The following BBS9 variants were observed in gnomAD, a reference collection of about 807,000 sequenced individuals.
BBS9 encodes protein PTHB1.
A neutral mutation model predicts 117.7 loss-of-function variants in BBS9; 89 were observed. That is an observed-to-expected ratio of 0.76 (90% CI 0.64 to 0.90). The LOEUF (loss-of-function observed/expected upper bound fraction) is 0.90, where lower values mean the gene tolerates loss of function less well. BBS9 is among the 40% of genes least tolerant of loss of function. BBS9 has a pLI of 0.00. For missense variants in BBS9, 982 were observed against 1,042.2 expected (o/e 0.94, Z 0.80); for synonymous variants, 379 against 370.9 (o/e 1.02, Z -0.25).
rs1795418836 is a variant in BBS9, at chr7:33,164,886, T to G, written c.328+9184T>G. Among the ~76,000 whole-genome samples, 6 of 152,284 alleles carry G rather than the reference T, an allele frequency of 3.9e-5. No individual in the cohort carries two copies. The South Asian group carries it at 1.2e-3, about 32-fold the overall frequency. On this transcript the variant is annotated intron_variant, in intron 4 of 22. Transcript: ENST00000242067. ...TCCTGTCATTATGATGTTAGCTGGT[T>G]ATTTTGCCCGTTGGTTGATGCAGTT...
intron 19 of BBS9, among the ~76,000 whole-genome samples, chr7:33,449,316 A>G (rs1837436506): frequency 6.6e-6 from 1 of 152,210 alleles, no homozygotes; most frequent in Non-Finnish European, 1.5e-5. Flanking sequence ...TACCAGCCAT[A>G]GACAATACAT....
intron 21 of BBS9, among the ~76,000 whole-genome samples, chr7:33,558,185 G>T (rs1551098): frequency 0.47 from 71,717 of 152,054 alleles, 17,515 homozygotes; most frequent in South Asian, 0.58. Flanking sequence ...GAACAAAATA[G>T]ACAAAGTCTC....
intron 19 of BBS9, among the ~76,000 whole-genome samples, chr7:33,465,928 A>G (rs1461144935): frequency 6.6e-6 from 1 of 152,182 alleles, no homozygotes; most frequent in Non-Finnish European, 1.5e-5. Flanking sequence ...AACTATAAAA[A>G]TGAATCAAGT....
At chr7:33,438,943 A>G (rs1473770693) in intron 19 of BBS9, among the ~76,000 whole-genome samples, 1 of 152,172 alleles carries the variant, frequency 6.6e-6, no homozygotes, top group Non-Finnish European at 1.5e-5. Context: ...TTAGTTTATC[A>G]TAATTGGTAG....
intron 20 of BBS9, among the ~76,000 whole-genome samples, chr7:33,516,610 A>G (rs1473129983): frequency 1.3e-5 from 2 of 151,908 alleles, no homozygotes; most frequent in African/African-American, 4.8e-5. Context: ...AATTGGGGAC[A>G]GGAAGTTATA....
chr7:33,611,973 T>C (rs988869096), intron 21 of BBS9, among the ~76,000 whole-genome samples: 1 of 151,140 alleles, frequency 6.6e-6, no homozygotes, highest in African/African-American at 2.4e-5. Flanking sequence ...TGTCCTTCAT[T>C]TGAGTCCCTC....
intron 19 of BBS9, among the ~76,000 whole-genome samples, chr7:33,417,360 T>C (rs1004020251): frequency 1.3e-5 from 2 of 152,234 alleles, no homozygotes; most frequent in Non-Finnish European, 2.9e-5. Flanking sequence ...ACTTTTGGAA[T>C]GTTATAATTC....
intron 5 of BBS9, among the ~76,000 whole-genome samples, chr7:33,180,926 G>A (rs756124673): frequency 1.3e-5 from 2 of 152,124 alleles, no homozygotes; most frequent in African/African-American, 2.4e-5. Context: ...TGCACAGAGC[G>A]AGGTAAGAAA....
chr7:33,397,659 C>G (rs912466906), intron 19 of BBS9, among the ~76,000 whole-genome samples: 2 of 152,196 alleles, frequency 1.3e-5, no homozygotes, highest in Admixed American at 6.5e-5. Context: ...GAGATCATGC[C>G]CTTTGCAGGA....
intron 4 of BBS9, among the ~76,000 whole-genome samples, chr7:33,171,179 C>T (rs58830707): frequency 0.017 from 2,568 of 152,248 alleles, 58 homozygotes; most frequent in African/African-American, 0.058. Context: ...AAGCTGGAGG[C>T]ATCACACTAC....
chr7:33,432,526 C>T (rs1834667658), intron 19 of BBS9, among the ~76,000 whole-genome samples: 1 of 152,058 alleles, frequency 6.6e-6, no homozygotes, highest in African/African-American at 2.4e-5. Flanking sequence ...CCATAGAAAA[C>T]TAGCTAATAT....
At chr7:33,322,867 C>T (rs1424047367) in intron 9 of BBS9, among the ~76,000 whole-genome samples, 1 of 151,984 alleles carries the variant, frequency 6.6e-6, no homozygotes, top group Non-Finnish European at 1.5e-5. Context: ...ACTGTAGATG[C>T]TTATAGCAGT....
intron 16 of BBS9, among the ~76,000 whole-genome samples, chr7:33,361,798 A>G (rs991250188): frequency 6.6e-6 from 1 of 152,134 alleles, no homozygotes; most frequent in Non-Finnish European, 1.5e-5. Flanking sequence ...CTAAGATTAT[A>G]AAATACTTAC....
At chr7:33,327,597 G>A (rs1248216369) in intron 9 of BBS9, among the ~76,000 whole-genome samples, 1 of 152,154 alleles carries the variant, frequency 6.6e-6, no homozygotes, top group Non-Finnish European at 1.5e-5. Flanking sequence ...TACTTCGGAA[G>A]CTGAGGCAGG....
At chr7:33,537,689 T>C (rs1851665015) in intron 21 of BBS9, among the ~76,000 whole-genome samples, 1 of 152,196 alleles carries the variant, frequency 6.6e-6, no homozygotes, top group South Asian at 2.1e-4. Context: ...TGCATATATG[T>C]TCCCAACCTT....
intron 4 of BBS9, among the ~76,000 whole-genome samples, chr7:33,173,356 G>C (rs1354430769): frequency 1.3e-5 from 2 of 152,010 alleles, no homozygotes; most frequent in Non-Finnish European, 2.9e-5. Flanking sequence ...TGAGGCGGGT[G>C]GATCACGAGG....
chr7:33,244,141 A>T (rs905089406), intron 5 of BBS9, among the ~76,000 whole-genome samples: 1 of 152,128 alleles, frequency 6.6e-6, no homozygotes, highest in African/African-American at 2.4e-5. Flanking sequence ...GAGGCAGGAG[A>T]ATTGCCTGAA....
At chr7:33,551,748 A>G (rs926194435) in intron 21 of BBS9, among the ~76,000 whole-genome samples, 2 of 152,214 alleles carry the variant, frequency 1.3e-5, no homozygotes, top group Admixed American at 1.3e-4. Flanking sequence ...AGTGCAGTGC[A>G]GAAAAGTACA....
intron 9 of BBS9, among the ~76,000 whole-genome samples, chr7:33,283,833 C>G (rs1243733077): frequency 6.6e-6 from 1 of 152,108 alleles, no homozygotes; most frequent in Non-Finnish European, 1.5e-5. Context: ...ATGATTAGCT[C>G]AGATCACCTG....
Sources: allele counts gnomAD v4.1 joint callset (sites outside exome capture counted in the v4.1 genomes callset), GRCh38; gene constraint gnomAD v4.1.1; transcripts MANE v1.5; gene names NCBI Gene and HGNC (gene_info 2026-07-23, HGNC 2026-07-21).